The following CYP4F12 variants were observed in gnomAD, a reference collection of about 807,000 sequenced individuals.
CYP4F12 encodes cytochrome P450 family 4 subfamily F member 12, also known as cytochrome P450 4F12.
A neutral mutation model predicts 56.5 loss-of-function variants in CYP4F12; 60 were observed. The observed-to-expected ratio is 1.06, with a 90% CI of 0.86 to 1.32. The LOEUF is 1.32. CYP4F12 is among the 40% of genes most tolerant of loss of function. The pLI is 0.00. For synonymous variants in CYP4F12, 263 were observed against 264.9 expected (o/e 0.99, Z 0.07); for missense variants, 711 against 683.5 (o/e 1.04, Z -0.45).
chr19:15,674,988 C>T (rs1284334024), intron 2 of CYP4F12, among the ~76,000 whole-genome samples: 2 of 152,242 alleles, frequency 1.3e-5, no homozygotes, highest in African/African-American at 4.8e-5. Context: ...CTGCCCATCT[C>T]TGGGCTGCTG....
Position 15,678,386 on chromosome 19 carries a change from G to A in CYP4F12, c.324G>A (p.Arg108=), listed in dbSNP as rs765289025. 30 of 1,614,198 alleles carry A rather than the reference G, an allele frequency of 1.9e-5. No homozygotes were observed. Among genetic ancestry groups the A allele is most frequent in the Admixed American group, 8.3e-5 (5 of 60,022 alleles). ...TTTTATGCCACCCTGACACCATCCG[G>A]TCTATCACCAATGCCTCAGGTACCC... ...FIVLCHPDTI[R]SITNASAAIA... The change falls in exon 3 of 13, where the codon CGG becomes CGA. Residue 108 remains arginine, a synonymous_variant. Transcript: ENST00000550308.
intron 9 of CYP4F12, among the ~76,000 whole-genome samples, chr19:15,688,852 T>C (rs942279432): frequency 6.6e-6 from 1 of 152,074 alleles, no homozygotes; most frequent in Non-Finnish European, 1.5e-5. Context: ...AAAACATAAA[T>C]TGGGGAAAGA....
intron 9 of CYP4F12, among the ~76,000 whole-genome samples, chr19:15,686,529 G>C (rs533109659): frequency 5.0e-4 from 76 of 152,106 alleles, no homozygotes; most frequent in African/African-American, 1.7e-3. Context: ...AAGAGAGGAG[G>C]GAAGACAGAA....
rs1338651658 is a variant in CYP4F12 at position 15,677,454 on chromosome 19, A to T, written c.199-807A>T. ...CATTCATTCCTTTACCCACTCACTCATTCCTCTACCCACTCACTCATTCCT... is the reference window on the plus strand; with the variant it reads ...CATTCATTCCTTTACCCACTCACTCTTTCCTCTACCCACTCACTCATTCCT... On this transcript the variant is annotated intron_variant, in intron 2 of 12. Coordinates refer to ENST00000550308, the MANE Select transcript of CYP4F12 (RefSeq NM_023944.4). Among the ~76,000 whole-genome samples the T allele has an allele frequency of 8.6e-4, 19 of 22,144 alleles. 8 individuals are homozygous for T. The highest frequency in any genetic ancestry group is 0.01 in the East Asian group (2 of 196). 14.5% of individuals were successfully genotyped at this position (22,144 alleles called of 152,430 possible). A position where few individuals can be genotyped will look rare whatever the true frequency, so the allele number is the denominator to read the frequency against.
In CYP4F12 at chr19:15,685,087, T is replaced by C; in HGVS notation, c.1005T>C (p.Ser335=). 1 of 1,614,084 alleles carries C rather than the reference T, an allele frequency of 6.2e-7. No homozygotes were observed. Among genetic ancestry groups the C allele is most frequent in the South Asian group, 1.1e-5 (1 of 91,070 alleles). The change falls in exon 9 of 13, where the codon AGT becomes AGC. Residue 335 remains serine (S), a synonymous_variant. Transcript: ENST00000550308. ...FMFGGHDTTA[S]GLSWVLYNLA... ...CCTCAGGCCATGACACCACGGCCAGTGGCCTCTCCTGGGTCCTGTACAACC... is the reference window on the plus strand; with the variant it reads ...CCTCAGGCCATGACACCACGGCCAGCGGCCTCTCCTGGGTCCTGTACAACC...
At chr19:15,690,868 C>T (rs1432100406) in intron 9 of CYP4F12, among the ~76,000 whole-genome samples, 1 of 152,182 alleles carries the variant, frequency 6.6e-6, no homozygotes. Flanking sequence ...TATTTGTCAT[C>T]TATCTGTCTG....
Position 15,696,163 on chromosome 19 carries a change from A to T in CYP4F12, c.1252A>T (p.Ile418Phe). 1 of 1,613,948 alleles carries T rather than the reference A, an allele frequency of 6.2e-7. No homozygotes were observed. The highest frequency in any genetic ancestry group is 8.5e-7 in the Non-Finnish European group (1 of 1,179,894). ...LPDGRVIPKG[I>F]TCLIDIIGVH... ...GACTGCCCCTTTCTCTCCCACAGGC[A>T]TTACCTGCCTCATCGATATTATAGG... The change falls in exon 11 of 13, where the codon ATT (isoleucine) becomes TTT (phenylalanine). Residue 418 changes from isoleucine to phenylalanine, a missense_variant and splice_region_variant. Ile to Phe is a conservative substitution (Grantham distance 21). Transcript: ENST00000550308.
At chr19:15,678,820 G>A (rs1001960700) in intron 3 of CYP4F12, among the ~76,000 whole-genome samples, 4 of 152,196 alleles carry the variant, frequency 2.6e-5, no homozygotes, top group Non-Finnish European at 5.9e-5. Context: ...ATGATGCAGT[G>A]GGCATCATTG....
In CYP4F12 at chr19:15,680,230, C is replaced by T; in HGVS notation, c.344-14C>T. 1 of 1,589,122 alleles carries T rather than the reference C, an allele frequency of 6.3e-7. No homozygotes were observed. Among genetic ancestry groups the T allele is most frequent in the Non-Finnish European group, 8.6e-7 (1 of 1,168,080 alleles). On this transcript the variant is annotated splice_polypyrimidine_tract_variant and intron_variant, in intron 3 of 12. Coordinates refer to ENST00000550308, the MANE Select transcript of CYP4F12 (RefSeq NM_023944.4). The stretch of plus-strand genomic sequence containing the variant: ...GCCCTCTACATGGCCCCTGATGGTC[C>T]TCGTTCATGTCAGCTGCCATTGCAC...
chr19:15,676,219 G>A (rs190840353), intron 2 of CYP4F12, among the ~76,000 whole-genome samples: 1 of 152,236 alleles, frequency 6.6e-6, no homozygotes, highest in Admixed American at 6.5e-5. Flanking sequence ...AGGGGTTCAG[G>A]GAGCTGTGTA....
intron 9 of CYP4F12, among the ~76,000 whole-genome samples, chr19:15,693,198 T>C (rs1319407605): frequency 6.6e-6 from 1 of 152,048 alleles, no homozygotes; most frequent in African/African-American, 2.4e-5. Context: ...CCTGGCAACG[T>C]GTGGGGAGAA....
rs752702593 is a variant in CYP4F12, at chr19:15,673,643, C to A, written c.114C>A (p.Thr38=). ...SWLLARILAW[T]YAFYNNCRRL... is the part of the protein sequence containing the mutation. ...TACTCGCCCGCATCCTGGCTTGGAC[C>A]TATGCCTTCTATAACAACTGCCGCC... The change falls in exon 2 of 13, where the codon ACC becomes ACA. Residue 38 remains threonine, a synonymous_variant. Coordinates refer to ENST00000550308, the MANE Select transcript of CYP4F12 (RefSeq NM_023944.4). 1.2e-6 allele frequency: 2 copies of A among 1,614,054 alleles called. No homozygotes were observed. The highest frequency in any genetic ancestry group is 2.7e-5 in the African/African-American group (2 of 74,926).
In CYP4F12 at chr19:15,677,608, C is replaced by T. The variant is rs764991494; in HGVS notation, c.199-653C>T. ...CATTCCTCTCCTCACTCACTCGTTC[C>T]TCTCCTCACTCACTCATTCCTCTCC... On this transcript the variant is annotated intron_variant, in intron 2 of 12. Transcript: ENST00000550308. Among the ~76,000 whole-genome samples the T allele has an allele frequency of 7.9e-3, 79 of 9,966 alleles. 28 individuals are homozygous for T. Among genetic ancestry groups the T allele is most frequent in the East Asian group, 0.03 (2 of 66 alleles). The allele number at this position is 9,966 out of a possible 152,430, so 6.5% of individuals were successfully genotyped here. A position where few individuals can be genotyped will look rare whatever the true frequency, so the allele number is the denominator to read the frequency against.
Position 15,696,239 on chromosome 19 carries a change from C to A in CYP4F12, c.1314+14C>A. The A allele has an allele frequency of 3.7e-6, 6 of 1,614,020 alleles. No homozygotes were observed. The highest frequency in any genetic ancestry group is 4.2e-6 in the Non-Finnish European group (5 of 1,179,954). On this transcript the variant is annotated intron_variant, in intron 11 of 12. Transcript: ENST00000550308. ...CCGGATCCTGAGGTGCTGCCTTCCC[C>A]ATTCACCACCACCACCCCCATCCTC...
rs201457952 is a variant in CYP4F12, at chr19:15,685,145, C to A, written c.1063C>A (p.Arg355=). 2.1e-5 allele frequency: 34 copies of A among 1,614,036 alleles called. No homozygotes were observed. In the African/African-American group the frequency reaches 4.4e-4, roughly 21 times the overall value. The part of the protein sequence containing the change: ...ARHPEYQERC[R]QEVQELLKDR... ...GCACCCAGAATACCAGGAGCGCTGCCGACAGGAGGTGCAAGAGCTTCTGAA... is the reference window on the plus strand; with the variant it reads ...GCACCCAGAATACCAGGAGCGCTGCAGACAGGAGGTGCAAGAGCTTCTGAA... Residue 355 remains arginine (R), a synonymous_variant, in exon 9 of 13, where the codon CGA becomes AGA. Coordinates refer to ENST00000550308, the MANE Select transcript of CYP4F12 (RefSeq NM_023944.4).
chr19:15,695,508 A>ACT (rs2008083444), intron 9 of CYP4F12, among the ~76,000 whole-genome samples: 1 of 139,404 alleles, frequency 7.2e-6, no homozygotes, highest in Non-Finnish European at 1.6e-5. Flanking sequence ...AATAATAAAA[A>ACT]AAAAAAAACA....
Position 15,673,568 on chromosome 19 carries a change from G to A in CYP4F12, c.39G>A (p.Pro13=), listed in dbSNP as rs371652778. The A allele has an allele frequency of 2.4e-5, 39 of 1,613,940 alleles. No homozygotes were observed. The highest frequency in any genetic ancestry group is 2.4e-4 in the African/African-American group (18 of 74,900). ...LLSLPWLGLR[P]VATSPWLLLL... Reference sequence around the variant, plus strand: ...GCCTGCCCTGGCTGGGCCTCAGACCGGTGGCAACGTCCCCATGGCTACTCC... The same window carrying A: ...GCCTGCCCTGGCTGGGCCTCAGACCAGTGGCAACGTCCCCATGGCTACTCC... Residue 13 remains proline (P), a synonymous_variant, in exon 2 of 13, where the codon CCG becomes CCA. Coordinates refer to ENST00000550308, the MANE Select transcript of CYP4F12 (RefSeq NM_023944.4).
In CYP4F12 at chr19:15,673,469, T is replaced by G. The variant is rs115890005; in HGVS notation, c.-1-60T>G. 1.3e-3 allele frequency: 2,051 copies of G among 1,527,040 alleles called. 27 individuals carry two copies. The African/African-American group carries it at 0.023, about 17-fold the overall frequency. 94.6% of individuals were successfully genotyped at this position (1,527,040 alleles called of 1,614,324 possible). Reference sequence around the variant, plus strand: ...AGTTCCTGACTTCGCCCCTATACACTGTCCCCGGAGCTCTTCCCTGGGCCT... The same window carrying G: ...AGTTCCTGACTTCGCCCCTATACACGGTCCCCGGAGCTCTTCCCTGGGCCT... On this transcript the variant is annotated intron_variant, in intron 1 of 12. Transcript: ENST00000550308.
intron 1 of CYP4F12, 138 bp from the exon 2 acceptor site, chr19:15,673,391 A>T: frequency 1.1e-6 from 1 of 946,078 alleles, no homozygotes; most frequent in Non-Finnish European, 1.6e-6. Context: ...TCTGGACTTC[A>T]GATCTCAGCC....
Sources: allele counts gnomAD v4.1 joint callset (sites outside exome capture counted in the v4.1 genomes callset), GRCh38; gene constraint gnomAD v4.1.1; transcripts MANE v1.5; gene names NCBI Gene and HGNC (gene_info 2026-07-23, HGNC 2026-07-21).